Variants in EXD3 observed in about 807,000 individuals in gnomAD.
EXD3 encodes exonuclease 3'-5' domain containing 3.
EXD3 carries 92 observed loss-of-function variants against 98.0 expected under a neutral mutation model. That is an observed-to-expected ratio of 0.94 (90% CI 0.79 to 1.12). The LOEUF is 1.12. Among genes scored for constraint, EXD3 ranks in the 50% most tolerant of loss-of-function variants. The pLI, the probability that EXD3 is intolerant of heterozygous loss-of-function variation, is 0.00. For synonymous variants in EXD3, 569 were observed against 526.0 expected (o/e 1.08, Z -1.12); for missense variants, 1,222 against 1,191.6 (o/e 1.03, Z -0.38).
rs150924849 is a variant in EXD3 at position 137,328,681 on chromosome 9, G to A, written c.1999-4538C>T. Among the ~76,000 whole-genome samples, 39 of 18,816 alleles carry A rather than the reference G, an allele frequency of 2.1e-3. 1 individual carries two copies. Among genetic ancestry groups the A allele is most frequent in the African/African-American group, 9.5e-3 (26 of 2,748 alleles). 12.3% of individuals were successfully genotyped at this position (18,816 alleles called of 152,430 possible). A position where few individuals can be genotyped will look rare whatever the true frequency, so the allele number is the denominator to read the frequency against. ...ACGGGACTACACGGGACTACACGGG[G>A]CTACACGGGACTACACAGGGTCACA... On this transcript the variant is annotated intron_variant, in intron 17 of 21. Transcript: ENST00000340951.
intron 19 of EXD3, among the ~76,000 whole-genome samples, chr9:137,314,598 C>G (rs1831539038): frequency 6.6e-6 from 1 of 152,080 alleles, no homozygotes; most frequent in African/African-American, 2.4e-5. Flanking sequence ...CCCCTGCCCC[C>G]TTGCCCCCTG....
chr9:137,413,190 C>A (rs561134149), intron 1 of EXD3, among the ~76,000 whole-genome samples: 5 of 152,158 alleles, frequency 3.3e-5, no homozygotes, highest in African/African-American at 1.2e-4. Flanking sequence ...TCACCATCAC[C>A]ACTATCCAAC....
chr9:137,333,831 T>C (rs1354969366), intron 17 of EXD3, among the ~76,000 whole-genome samples: 1 of 152,018 alleles, frequency 6.6e-6, no homozygotes, highest in Admixed American at 6.6e-5. Context: ...GGTATTTCTT[T>C]TTTTCTTTTC....
chr9:137,395,247 CACGCA>C lies in EXD3; in HGVS notation c.55+51_55+55del. The stretch of plus-strand genomic sequence containing the variant: ...GGCGCCACCACCCCCCATGCACACC[CACGCA>C]CCTCCCCCCACAGCCCCAGGGAGAC... On this transcript the variant is annotated intron_variant, in intron 2 of 21. Transcript: ENST00000340951. The surrounding 1 kb of genome is among the most constrained non-coding windows in gnomAD (Gnocchi z 6.5). 1 of 1,514,554 alleles carries C rather than the reference CACGCA, an allele frequency of 6.6e-7. No homozygotes were observed. The highest frequency in any genetic ancestry group is 9.2e-7 in the Non-Finnish European group (1 of 1,090,828). The allele number at this position is 1,514,554 out of a possible 1,614,324, so 93.8% of individuals were successfully genotyped here.
intron 3 of EXD3, among the ~76,000 whole-genome samples, chr9:137,376,794 T>C (rs1835926832): frequency 6.6e-6 from 1 of 152,024 alleles, no homozygotes; most frequent in South Asian, 2.1e-4. Context: ...CTAGGCATGG[T>C]GGCACATGCC....
At chr9:137,348,363 T>G in intron 16 of EXD3, 125 bp from the exon 17 acceptor site, 1 of 1,115,012 alleles carries the variant, frequency 9.0e-7, no homozygotes. Flanking sequence ...AAGATAAAAC[T>G]GTGTGTGCTG....
In EXD3 at chr9:137,405,422, G is replaced by C. The variant is rs1054303010; in HGVS notation, c.-47-10018C>G. Among the ~76,000 whole-genome samples, 1 of 152,238 alleles carries C rather than the reference G, an allele frequency of 6.6e-6. No individual in the cohort carries two copies. The highest frequency in any genetic ancestry group is 2.1e-4 in the South Asian group (1 of 4,836). Reference sequence around the variant, plus strand: ...CCTGGACTCATTCGTGCTGGTGTCCGTGGCCCAAGGATTTGCAGAGCCGCG... The same window carrying C: ...CCTGGACTCATTCGTGCTGGTGTCCCTGGCCCAAGGATTTGCAGAGCCGCG... On this transcript the variant is annotated intron_variant, in intron 1 of 21. Transcript: ENST00000340951. The surrounding 1 kb of genome is among the most constrained non-coding windows in gnomAD (Gnocchi z 4.1).
chr9:137,394,202 C>T (rs1228925685), intron 2 of EXD3, among the ~76,000 whole-genome samples: 3 of 78,468 alleles, frequency 3.8e-5, no homozygotes, highest in Non-Finnish European at 5.6e-5. Flanking sequence ...TCCCAGCCTC[C>T]GCTTCCCTAA....
chr9:137,320,346 C>T (rs1588237533), intron 19 of EXD3, among the ~76,000 whole-genome samples: 1 of 152,234 alleles, frequency 6.6e-6, no homozygotes, highest in Admixed American at 6.5e-5. Flanking sequence ...CTTTCAGATC[C>T]AGATGCTCCT....
intron 6 of EXD3, chr9:137,367,652 C>T: frequency 2.6e-6 from 1 of 384,188 alleles, no homozygotes; most frequent in Non-Finnish European, 4.8e-6. Context: ...AGCTGGTGCC[C>T]ACTCCAGGGA....
chr9:137,375,450 GCTCTAGCGAGTTCTAA>G (rs1197563527), intron 3 of EXD3, among the ~76,000 whole-genome samples: 38 of 152,136 alleles, frequency 2.5e-4, no homozygotes, highest in African/African-American at 7.0e-4. Context: ...GTGAGTTCTA[GCTCTAGCGAGTTCTAA>G]CTCTAGCGAG....
intron 1 of EXD3, among the ~76,000 whole-genome samples, chr9:137,401,680 A>G (rs916424778): frequency 2.6e-5 from 4 of 152,166 alleles, no homozygotes; most frequent in African/African-American, 7.2e-5. Flanking sequence ...CCCGAGCTCT[A>G]TGTTGGCCTC....
rs1411427617 is a variant in EXD3 at position 137,360,530 on chromosome 9, G to A, written c.657-4162C>T. On this transcript the variant is annotated intron_variant, in intron 7 of 21. Transcript: ENST00000340951. ...GGCTGGTGTGCAATGGCACGATATCGGTTTACTGCAATCTCTGCCTCCCAG... is the reference window on the plus strand; with the variant it reads ...GGCTGGTGTGCAATGGCACGATATCAGTTTACTGCAATCTCTGCCTCCCAG... Among the ~76,000 whole-genome samples the A allele has an allele frequency of 1.5e-4, 11 of 75,116 alleles. 3 individuals carry two copies. The highest frequency in any genetic ancestry group is 8.6e-4 in the East Asian group (1 of 1,166). The allele number at this position is 75,116 out of a possible 152,430, so 49.3% of individuals were successfully genotyped here.
intron 17 of EXD3, among the ~76,000 whole-genome samples, chr9:137,343,667 CA>C (rs1263608166): frequency 7.5e-6 from 1 of 132,500 alleles, no homozygotes; most frequent in African/African-American, 2.8e-5. Flanking sequence ...CGGCTCACTG[CA>C]AGCTCTGCCT....
intron 1 of EXD3, among the ~76,000 whole-genome samples, chr9:137,411,983 G>A (rs942679214): frequency 2.6e-5 from 4 of 152,274 alleles, no homozygotes; most frequent in South Asian, 2.1e-4. Context: ...GGCGGGAGGC[G>A]GCAAGAGAGT....
rs113549743 is a variant in EXD3 at position 137,359,110 on chromosome 9, G to C, written c.657-2742C>G. ...TACAGGCGCCCGCCACCACGCCTGG[G>C]TAATTTTTTGTATTTTTAGTAGAGA... is the stretch of plus-strand genomic sequence containing the variant. On this transcript the variant is annotated intron_variant, in intron 7 of 21. Transcript: ENST00000340951. Among the ~76,000 whole-genome samples, 435 of 55,564 alleles carry C rather than the reference G, an allele frequency of 7.8e-3. 113 individuals are homozygous for C. The highest frequency in any genetic ancestry group is 0.019 in the African/African-American group (416 of 21,882). 36.5% of individuals were successfully genotyped at this position (55,564 alleles called of 152,430 possible). A position where few individuals can be genotyped will look rare whatever the true frequency, so the allele number is the denominator to read the frequency against.
intron 17 of EXD3, among the ~76,000 whole-genome samples, chr9:137,339,415 GC>G (rs1420934474): frequency 4.0e-5 from 6 of 149,272 alleles, no homozygotes; most frequent in African/African-American, 1.5e-4. Context: ...TGTAGTCCCA[GC>G]CATAGTCTCA....
chr9:137,384,169 C>A (rs962498519), intron 2 of EXD3, among the ~76,000 whole-genome samples: 2 of 152,218 alleles, frequency 1.3e-5, no homozygotes, highest in Non-Finnish European at 2.9e-5. Context: ...CTGGGCCCCC[C>A]TGCAGGGCAG....
At chr9:137,377,806 T>C (rs1564526844) in intron 3 of EXD3, among the ~76,000 whole-genome samples, 1 of 149,810 alleles carries the variant, frequency 6.7e-6, no homozygotes, top group Non-Finnish European at 1.5e-5. Flanking sequence ...TTTTTTTTTT[T>C]TTCCTGGGAC....
Sources: allele counts gnomAD v4.1 joint callset (sites outside exome capture counted in the v4.1 genomes callset), GRCh38; gene constraint gnomAD v4.1.1; non-coding constraint Gnocchi (gnomAD v3.1); transcripts MANE v1.5; gene names NCBI Gene and HGNC (gene_info 2026-07-23, HGNC 2026-07-21).